Variants in CSMD1 observed in about 807,000 individuals in gnomAD.
The protein encoded by CSMD1 is CUB and Sushi multiple domains 1.
Under a neutral mutation model 417.5 loss-of-function variants are expected in CSMD1, and 213 were observed. That is an observed-to-expected ratio of 0.51 (90% CI 0.46 to 0.57). CSMD1 has a LOEUF of 0.57. CSMD1 is among the 20% of genes least tolerant of loss of function. The pLI, the probability that CSMD1 is intolerant of heterozygous loss-of-function variation, is 0.00. For synonymous variants in CSMD1, 2,862 were observed against 1,736.8 expected, an observed-to-expected ratio of 1.65 and a Z score of -16.11; for missense variants, 6,923 against 4,529.7, an observed-to-expected ratio of 1.53 and a Z score of -15.17.
chr8:3,158,611 T>C (rs1563095974), intron 38 of CSMD1, among the ~76,000 whole-genome samples: 2 of 151,640 alleles, frequency 1.3e-5, no homozygotes, highest in Non-Finnish European at 2.9e-5. Context: ...CTTTCTACTT[T>C]AAAAAATCTG....
intron 1 of CSMD1, among the ~76,000 whole-genome samples, chr8:4,673,729 C>G (rs1168062181): frequency 6.6e-6 from 1 of 152,106 alleles, no homozygotes; most frequent in East Asian, 1.9e-4. Context: ...ATCTTGACGA[C>G]ATAATGCTAA....
intron 1 of CSMD1, among the ~76,000 whole-genome samples, chr8:4,794,066 G>A (rs1797842812): frequency 6.6e-6 from 1 of 152,096 alleles, no homozygotes; most frequent in Non-Finnish European, 1.5e-5. Flanking sequence ...CTTAAGGTTG[G>A]ATTTATATTT....
intron 10 of CSMD1, among the ~76,000 whole-genome samples, chr8:3,510,898 G>C (rs1002413714): frequency 2.0e-5 from 3 of 151,738 alleles, no homozygotes; most frequent in Non-Finnish European, 4.4e-5. Flanking sequence ...GTAGGTTCTG[G>C]ATATTAGCCC....
chr8:4,526,321 C>G (rs559543477), intron 2 of CSMD1, among the ~76,000 whole-genome samples: 1 of 152,336 alleles, frequency 6.6e-6, no homozygotes, highest in East Asian at 1.9e-4. Flanking sequence ...GTCAGAAATA[C>G]TTTTGCAAAA....
intron 48 of CSMD1, among the ~76,000 whole-genome samples, chr8:3,087,790 C>G (rs980335683): frequency 6.6e-6 from 1 of 152,380 alleles, no homozygotes; most frequent in African/African-American, 2.4e-5. Context: ...AATGACCTCA[C>G]TCACCTCTCT....
intron 1 of CSMD1, among the ~76,000 whole-genome samples, chr8:4,680,787 C>T (rs1805990714): frequency 6.6e-6 from 1 of 152,004 alleles, no homozygotes; most frequent in South Asian, 2.1e-4. Flanking sequence ...ACCATGTTGG[C>T]CAGGATGGTC....
At chr8:2,941,273 T>C (rs907791258) in intron 69 of CSMD1, among the ~76,000 whole-genome samples, 26 of 152,210 alleles carry the variant, frequency 1.7e-4, no homozygotes, top group Admixed American at 4.6e-4. Flanking sequence ...TTCTCTACTG[T>C]GTATTTCAAA....
At chr8:4,336,490 C>G (rs1485552615) in intron 3 of CSMD1, among the ~76,000 whole-genome samples, 1 of 151,886 alleles carries the variant, frequency 6.6e-6, no homozygotes, top group Admixed American at 6.6e-5. Context: ...CACGGAAACA[C>G]AGATACAACT....
At position 3,296,058 on chromosome 8, in the gene CSMD1, T is replaced by A. The variant is rs549465489; in HGVS notation, c.3950+11637A>T. On this transcript the variant is annotated intron_variant, in intron 25 of 69. Coordinates refer to ENST00000635120, the MANE Select transcript of CSMD1 (RefSeq NM_033225.6). ...GGCAGTCCACAGCACCCATAACAAA[T>A]GAGTGAAGAATATGGAATGTTAGTA... Among the ~76,000 whole-genome samples, 4 of 151,648 alleles carry A rather than the reference T, an allele frequency of 2.6e-5. No individual in the cohort carries two copies. The East Asian group carries it at 7.8e-4, about 30-fold the overall frequency.
At chr8:4,410,082 G>A (rs1409149555) in intron 3 of CSMD1, among the ~76,000 whole-genome samples, 1 of 152,114 alleles carries the variant, frequency 6.6e-6, no homozygotes, top group South Asian at 2.1e-4. Context: ...CCAAAGTGCT[G>A]GGATTACAGC....
At chr8:3,715,934 T>C (rs1801804895) in intron 6 of CSMD1, among the ~76,000 whole-genome samples, 1 of 152,214 alleles carries the variant, frequency 6.6e-6, no homozygotes, top group Non-Finnish European at 1.5e-5. Context: ...CCCTACTCCC[T>C]GTGGACATGA....
chr8:4,147,326 C>T (rs1804199719), intron 3 of CSMD1, among the ~76,000 whole-genome samples: 1 of 152,118 alleles, frequency 6.6e-6, no homozygotes, highest in Admixed American at 6.5e-5. Flanking sequence ...TCTGTATGCT[C>T]ACCTGTCTAT....
chr8:4,569,112 T>C (rs1259101812), intron 2 of CSMD1, among the ~76,000 whole-genome samples: 1 of 152,100 alleles, frequency 6.6e-6, no homozygotes, highest in African/African-American at 2.4e-5. Flanking sequence ...GTTTTGTTTG[T>C]TTGTTTGTTT....
chr8:3,264,388 A>G (rs533274454), intron 26 of CSMD1, among the ~76,000 whole-genome samples: 14 of 152,226 alleles, frequency 9.2e-5, no homozygotes, highest in African/African-American at 3.1e-4. Context: ...TCCTGTTTCT[A>G]AGTCAAAATT....
chr8:4,021,296 A>G (rs1403719484), intron 4 of CSMD1, among the ~76,000 whole-genome samples: 2 of 152,214 alleles, frequency 1.3e-5, no homozygotes, highest in Non-Finnish European at 2.9e-5. Context: ...ATCCTTTGGA[A>G]GTATGAGGTT....
At chr8:4,649,128 C>T (rs990257141) in intron 1 of CSMD1, among the ~76,000 whole-genome samples, 6 of 152,132 alleles carry the variant, frequency 3.9e-5, no homozygotes, top group Non-Finnish European at 7.4e-5. Flanking sequence ...ATGATCTAAC[C>T]TTCTCAAGAA....
intron 22 of CSMD1, among the ~76,000 whole-genome samples, chr8:3,344,109 G>C (rs770217503): frequency 1.3e-5 from 2 of 152,196 alleles, no homozygotes; most frequent in Non-Finnish European, 2.9e-5. Context: ...GTATACGGAA[G>C]ATAAGGAAGA....
At chr8:4,881,418 T>TCTAC in intron 1 of CSMD1, among the ~76,000 whole-genome samples, 1 of 41,316 alleles carries the variant, frequency 2.4e-5, no homozygotes, top group South Asian at 1.9e-3. Context: ...TACATATCTA[T>TCTAC]CTATCTATCT....
intron 41 of CSMD1, among the ~76,000 whole-genome samples, chr8:3,129,591 A>G (rs1186827156): frequency 1.3e-5 from 2 of 152,082 alleles, no homozygotes; most frequent in Non-Finnish European, 2.9e-5. Flanking sequence ...CCTGCCCAAC[A>G]TGGTGAAACC....
Sources: allele counts gnomAD v4.1 joint callset (sites outside exome capture counted in the v4.1 genomes callset), GRCh38; gene constraint gnomAD v4.1.1; transcripts MANE v1.5; gene names NCBI Gene and HGNC (gene_info 2026-07-23, HGNC 2026-07-21).